GRM8: variants seen among roughly 807,000 people sequenced by gnomAD.
GRM8 encodes glutamate metabotropic receptor 8, also known as metabotropic glutamate receptor 8.
Under a neutral mutation model 87.2 loss-of-function variants are expected in GRM8, and 47 were observed. The ratio of observed to expected loss-of-function variants is 0.54; its 90% CI spans 0.43 to 0.69. The LOEUF (loss-of-function observed/expected upper bound fraction) is 0.69. GRM8 is among the 30% of genes least tolerant of loss of function. The pLI, the probability that GRM8 is intolerant of heterozygous loss-of-function variation, is 0.00. For missense variants in GRM8, 1,019 were observed against 1,139.2 expected (o/e 0.89, Z 1.52); for synonymous variants, 396 against 404.5 (o/e 0.98, Z 0.25).
chr7:127,186,500 T>G (rs1239571105), intron 2 of GRM8, among the ~76,000 whole-genome samples: 1 of 152,148 alleles, frequency 6.6e-6, no homozygotes, highest in Non-Finnish European at 1.5e-5. Flanking sequence ...CTCCCTTCTG[T>G]GCTGTGGTGG....
At chr7:127,074,285 G>T (rs1171260520) in intron 3 of GRM8, among the ~76,000 whole-genome samples, 2 of 152,144 alleles carry the variant, frequency 1.3e-5, no homozygotes, top group African/African-American at 4.8e-5. Context: ...CAGTCTTTTT[G>T]TCATTCATGA....
intron 2 of GRM8, among the ~76,000 whole-genome samples, chr7:127,179,233 C>T (rs1587209735): frequency 1.3e-5 from 2 of 152,266 alleles, no homozygotes; most frequent in South Asian, 4.1e-4. Flanking sequence ...AACTTTAAAG[C>T]AACAGCAGCT....
intron 6 of GRM8, among the ~76,000 whole-genome samples, chr7:126,779,149 A>T (rs555101956): frequency 5.1e-4 from 77 of 152,166 alleles, no homozygotes; most frequent in African/African-American, 1.8e-3. Context: ...CATTCAACAG[A>T]TTAATATTTT....
chr7:126,634,379 C>T (rs1032504160), intron 7 of GRM8, among the ~76,000 whole-genome samples: 3 of 152,118 alleles, frequency 2.0e-5, no homozygotes, highest in African/African-American at 7.2e-5. Context: ...TTTCTCTGGG[C>T]TTTGCCTTAT....
intron 9 of GRM8, among the ~76,000 whole-genome samples, chr7:126,499,219 T>A (rs1809259902): frequency 6.6e-6 from 1 of 151,738 alleles, no homozygotes; most frequent in Non-Finnish European, 1.5e-5. Context: ...TTTATTTTCT[T>A]AAGGTTCTAT....
intron 8 of GRM8, among the ~76,000 whole-genome samples, chr7:126,592,723 C>T (rs907504515): frequency 6.6e-6 from 1 of 151,870 alleles, no homozygotes; most frequent in African/African-American, 2.4e-5. Context: ...AAGTTGGACG[C>T]TTTTTCTCTA....
intron 3 of GRM8, among the ~76,000 whole-genome samples, chr7:126,999,068 C>A (rs1159514721): frequency 6.6e-6 from 1 of 151,820 alleles, no homozygotes; most frequent in Non-Finnish European, 1.5e-5. Context: ...ATACCTAGAC[C>A]AATGGAACAG....
intron 6 of GRM8, among the ~76,000 whole-genome samples, chr7:126,896,908 T>A (rs1801598980): frequency 6.6e-6 from 1 of 152,050 alleles, no homozygotes; most frequent in South Asian, 2.1e-4. Context: ...CACAAGACAG[T>A]GTATATGTCT....
intron 3 of GRM8, among the ~76,000 whole-genome samples, chr7:127,050,905 C>T (rs1819404606): frequency 6.6e-6 from 1 of 152,138 alleles, no homozygotes; most frequent in East Asian, 1.9e-4. Flanking sequence ...AAAAGGAACA[C>T]AGAATTTGCA....
intron 6 of GRM8, among the ~76,000 whole-genome samples, chr7:126,773,394 G>T (rs918895836): frequency 6.6e-6 from 1 of 152,030 alleles, no homozygotes; most frequent in African/African-American, 2.4e-5. Context: ...GACCACAAGA[G>T]CATTAAGGAA....
intron 2 of GRM8, among the ~76,000 whole-genome samples, chr7:127,199,627 T>C (rs970933673): frequency 1.3e-5 from 2 of 152,232 alleles, no homozygotes; most frequent in African/African-American, 2.4e-5. Context: ...CAGGGGCACA[T>C]GAGGACAAGA....
At chr7:126,485,360 A>AC (rs1807233921) in intron 9 of GRM8, among the ~76,000 whole-genome samples, 1 of 147,560 alleles carries the variant, frequency 6.8e-6, no homozygotes, top group Non-Finnish European at 1.5e-5. Context: ...AACAACAACA[A>AC]AAAAAAAGGG....
At position 126,485,205 on chromosome 7, in the gene GRM8, C is replaced by T. The variant is rs148693333; in HGVS notation, c.2431-38833G>A. Reference sequence around the variant, plus strand: ...CTCTGTCCTGAAGAAGCTTACTAGCCACTAGACAAAATGGACACAGAATCA... The same window carrying T: ...CTCTGTCCTGAAGAAGCTTACTAGCTACTAGACAAAATGGACACAGAATCA... On this transcript the variant is annotated intron_variant, in intron 9 of 10. Coordinates refer to ENST00000339582, the MANE Select transcript of GRM8 (RefSeq NM_000845.3). Among the ~76,000 whole-genome samples, 133 of 152,034 alleles carry T rather than the reference C, an allele frequency of 8.7e-4. 2 individuals are homozygous for T. Among genetic ancestry groups the T allele is most frequent in the African/African-American group, 3.1e-3 (129 of 41,494 alleles).
At position 127,221,712 on chromosome 7, in the gene GRM8, G is replaced by C. The variant is rs1041483872; in HGVS notation, c.510+20983C>G. Among the ~76,000 whole-genome samples, 10 of 152,252 alleles carry C rather than the reference G, an allele frequency of 6.6e-5. No individual in the cohort carries two copies. The East Asian group carries it at 1.7e-3, about 26-fold the overall frequency. The stretch of plus-strand genomic sequence containing the variant: ...CTAGGGAATCTAACCTGACACTGGG[G>C]TTCTCTCTGAGCATTCCAAGCAAGT... On this transcript the variant is annotated intron_variant, in intron 2 of 10. Coordinates refer to ENST00000339582, the MANE Select transcript of GRM8 (RefSeq NM_000845.3).
At chr7:126,577,117 A>G (rs1162611742) in intron 8 of GRM8, among the ~76,000 whole-genome samples, 1 of 152,204 alleles carries the variant, frequency 6.6e-6, no homozygotes, top group South Asian at 2.1e-4. Flanking sequence ...AATTCTTAGG[A>G]GTACTGGTGG....
chr7:126,971,287 A>G (rs1011226048), intron 3 of GRM8, among the ~76,000 whole-genome samples: 1 of 152,122 alleles, frequency 6.6e-6, no homozygotes, highest in African/African-American at 2.4e-5. Flanking sequence ...CAGTTTATAT[A>G]TACAGGGACT....
At chr7:127,200,463 A>G (rs2099295258) in intron 2 of GRM8, among the ~76,000 whole-genome samples, 1 of 152,204 alleles carries the variant, frequency 6.6e-6, no homozygotes, top group South Asian at 2.1e-4. Flanking sequence ...TAAAAACAGG[A>G]GAAGTATGGT....
intron 2 of GRM8, among the ~76,000 whole-genome samples, chr7:127,142,025 C>T (rs1828298904): frequency 6.6e-6 from 1 of 152,036 alleles, no homozygotes. Context: ...GTCTGTCACT[C>T]AGCCTGGAGT....
chr7:127,052,436 A>G (rs1338403536), intron 3 of GRM8, among the ~76,000 whole-genome samples: 1 of 152,228 alleles, frequency 6.6e-6, no homozygotes. Flanking sequence ...CTGGGGACTA[A>G]TAACACATCA....
Sources: gnomAD v4.1 joint callset for allele counts (sites outside exome capture counted in the v4.1 genomes callset) on GRCh38, gnomAD v4.1.1 for gene constraint, MANE v1.5 for transcripts, NCBI Gene and HGNC (gene_info 2026-07-23, HGNC 2026-07-21) for gene names.